The following TGFA variants were observed in gnomAD, a reference collection of about 807,000 sequenced individuals.
TGFA encodes protransforming growth factor alpha.
In TGFA, 12 loss-of-function variants were observed where a neutral mutation model predicts 21.7. The observed-to-expected ratio is 0.55, with a 90% CI of 0.35 to 0.90. TGFA has a LOEUF of 0.90. Among genes scored for constraint, TGFA ranks in the 40% least tolerant of loss-of-function variants. The pLI is 0.01. For synonymous variants in TGFA, 79 were observed against 88.1 expected, an observed-to-expected ratio of 0.90 and a Z score of 0.58; for missense variants, 178 against 210.8, an observed-to-expected ratio of 0.84 and a Z score of 0.96.
intron 3 of TGFA, among the ~76,000 whole-genome samples, chr2:70,458,289 T>C (rs1010152449): frequency 6.6e-6 from 1 of 152,126 alleles, no homozygotes; most frequent in Non-Finnish European, 1.5e-5. Context: ...GCCATCCATA[T>C]CTCAAGAAAA....
chr2:70,552,801 C>T (rs1254311582), intron 1 of TGFA, among the ~76,000 whole-genome samples: 1 of 152,206 alleles, frequency 6.6e-6, no homozygotes, highest in African/African-American at 2.4e-5. Flanking sequence ...CGGGGCATAT[C>T]GAACGAACAA....
chr2:70,453,926 C>T (rs372056409), intron 4 of TGFA, among the ~76,000 whole-genome samples: 106 of 151,918 alleles, frequency 7.0e-4, no homozygotes, highest in East Asian at 2.1e-3. Flanking sequence ...CTGTGTGACC[C>T]GGAGTCCTGA....
At chr2:70,473,575 C>T (rs991800757) in intron 2 of TGFA, among the ~76,000 whole-genome samples, 4 of 151,574 alleles carry the variant, frequency 2.6e-5, no homozygotes, top group Admixed American at 2.0e-4. Flanking sequence ...AAATGAGCAG[C>T]GGATGTCAGC....
chr2:70,536,763 T>G (rs1350205320), intron 1 of TGFA, among the ~76,000 whole-genome samples: 3 of 152,216 alleles, frequency 2.0e-5, no homozygotes, highest in Admixed American at 2.0e-4. Flanking sequence ...CTAAAATCAA[T>G]ACGCTAAGCT....
At chr2:70,461,482 G>A (rs1553491462) in intron 3 of TGFA, 2 of 152,246 alleles carry the variant, frequency 1.3e-5, no homozygotes, top group East Asian at 1.9e-4. Flanking sequence ...AGGGTCTGTG[G>A]CCAGGGCCAG....
intron 2 of TGFA, among the ~76,000 whole-genome samples, chr2:70,509,507 T>G (rs1553500672): frequency 6.6e-6 from 1 of 152,186 alleles, no homozygotes; most frequent in African/African-American, 2.4e-5. Context: ...ACATTCCCCA[T>G]GAATAATCGC....
At chr2:70,520,059 G>A (rs1574127254) in intron 1 of TGFA, among the ~76,000 whole-genome samples, 1 of 152,178 alleles carries the variant, frequency 6.6e-6, no homozygotes, top group East Asian at 1.9e-4. Context: ...AAATGAAATA[G>A]AGTACATGAG....
At chr2:70,534,071 C>G (rs1672900938) in intron 1 of TGFA, among the ~76,000 whole-genome samples, 2 of 152,188 alleles carry the variant, frequency 1.3e-5, no homozygotes, top group Admixed American at 6.5e-5. Context: ...GAACCAGATA[C>G]TGAAGTGTCC....
At chr2:70,522,713 C>A (rs1244610738) in intron 1 of TGFA, among the ~76,000 whole-genome samples, 1 of 152,108 alleles carries the variant, frequency 6.6e-6, no homozygotes, top group Non-Finnish European at 1.5e-5. Context: ...GGGATCACAG[C>A]CAACTTTTAT....
chr2:70,479,550 T>G (rs2103748771), intron 2 of TGFA, among the ~76,000 whole-genome samples: 1 of 152,390 alleles, frequency 6.6e-6, no homozygotes, highest in South Asian at 2.1e-4. Flanking sequence ...AAGAAAGTTC[T>G]CTTTAATGAT....
Position 70,546,397 on chromosome 2 carries a change from C to A in TGFA, c.40+7331G>T, listed in dbSNP as rs116248937. Among the ~76,000 whole-genome samples, 719 of 152,166 alleles carry A rather than the reference C, an allele frequency of 4.7e-3. 3 individuals carry two copies. The highest frequency in any genetic ancestry group is 0.015 in the African/African-American group (638 of 41,492). On this transcript the variant is annotated intron_variant, in intron 1 of 5. Coordinates refer to ENST00000295400, the MANE Select transcript of TGFA (RefSeq NM_003236.4). ...TCGTGTAATTCTGTGATTTGGGGTA[C>A]AATTCATTGTTACCCAGATAGTAAG...
intron 1 of TGFA, among the ~76,000 whole-genome samples, chr2:70,517,485 C>A (rs408990): frequency 6.6e-6 from 1 of 152,132 alleles, no homozygotes; most frequent in Non-Finnish European, 1.5e-5. Context: ...GTCCCAGGCC[C>A]AGTGCTAATG....
At chr2:70,471,586 C>T (rs1420023551) in intron 2 of TGFA, among the ~76,000 whole-genome samples, 2 of 152,202 alleles carry the variant, frequency 1.3e-5, no homozygotes, top group Admixed American at 1.3e-4. Flanking sequence ...AAGAACACCC[C>T]AAATACCAGG....
At chr2:70,465,832 A>C in intron 2 of TGFA, 96 bp from the exon 3 acceptor site, 1 of 1,545,770 alleles carries the variant, frequency 6.5e-7, no homozygotes, top group South Asian at 1.2e-5. Flanking sequence ...GGAGCCCCTG[A>C]TGGCTGGGAC....
chr2:70,463,662 A>G (rs1489974486), intron 3 of TGFA, among the ~76,000 whole-genome samples: 1 of 152,078 alleles, frequency 6.6e-6, no homozygotes, highest in Non-Finnish European at 1.5e-5. Flanking sequence ...GATTCTCTCT[A>G]CTCATAGCCC....
chr2:70,459,444 G>A (rs782707774), intron 3 of TGFA, among the ~76,000 whole-genome samples: 1 of 152,228 alleles, frequency 6.6e-6, no homozygotes, highest in African/African-American at 2.4e-5. Context: ...ATCTCACCCA[G>A]TAAGGCTACC....
At chr2:70,501,646 A>C (rs1671741454) in intron 2 of TGFA, among the ~76,000 whole-genome samples, 1 of 152,122 alleles carries the variant, frequency 6.6e-6, no homozygotes, top group Admixed American at 6.6e-5. Context: ...TGTCCCCCAG[A>C]TGGTAAAGAA....
At chr2:70,511,820 A>G (rs576225995) in intron 2 of TGFA, among the ~76,000 whole-genome samples, 61 of 151,860 alleles carry the variant, frequency 4.0e-4, no homozygotes, top group African/African-American at 1.4e-3. Flanking sequence ...TGATTTCACT[A>G]TCTCTTCTTC....
chr2:70,506,832 T>G (rs946034867), intron 2 of TGFA, among the ~76,000 whole-genome samples: 3 of 152,186 alleles, frequency 2.0e-5, no homozygotes, highest in African/African-American at 7.2e-5. Context: ...GACTGTCTGG[T>G]TTCAGAGTCT....
Sources: gnomAD v4.1 joint callset for allele counts (sites outside exome capture counted in the v4.1 genomes callset) on GRCh38, gnomAD v4.1.1 for gene constraint, MANE v1.5 for transcripts, NCBI Gene and HGNC (gene_info 2026-07-23, HGNC 2026-07-21) for gene names.